HNRNPA2B1: variants seen among roughly 807,000 people sequenced by gnomAD.
The protein encoded by HNRNPA2B1 is heterogeneous nuclear ribonucleoproteins A2/B1.
Under a neutral mutation model 46.3 loss-of-function variants are expected in HNRNPA2B1, and 3 were observed. The observed-to-expected ratio is 0.06, with a 90% CI of 0.03 to 0.17. The LOEUF (loss-of-function observed/expected upper bound fraction) is 0.17, where lower values mean the gene tolerates loss of function less well. HNRNPA2B1 is among the 10% of genes least tolerant of loss of function. The pLI, the probability that HNRNPA2B1 is intolerant of heterozygous loss-of-function variation, is 1.00. For synonymous variants in HNRNPA2B1, 225 were observed against 133.8 expected, an observed-to-expected ratio of 1.68 and a Z score of -4.70; for missense variants, 221 against 418.9, an observed-to-expected ratio of 0.53 and a Z score of 4.12.
rs1279790233 is a variant in HNRNPA2B1 at position 26,190,202 on chromosome 7, T to C, written c.*2158A>G. 3 of 152,658 alleles carry C rather than the reference T, an allele frequency of 2.0e-5. No homozygotes were observed. Among genetic ancestry groups the C allele is most frequent in the South Asian group, 4.1e-4 (2 of 4,830 alleles). The allele number at this position is 152,658 out of a possible 1,614,324, so 9.5% of individuals were successfully genotyped here. A position where few individuals can be genotyped will look rare whatever the true frequency, so the allele number is the denominator to read the frequency against. On this transcript the variant is annotated 3_prime_UTR_variant, in exon 11 of 11. Coordinates refer to ENST00000618183, the MANE Select transcript of HNRNPA2B1 (RefSeq NM_002137.4). ...TAATCTGTCTACTCACAAAACCTAA[T>C]TTAAAACATGATACATTTATCTCTC... is the stretch of plus-strand genomic sequence containing the variant.
rs1232694331 is a variant in HNRNPA2B1, at chr7:26,200,551, CAT to C, written c.6+19_6+20del. ...CCTCGCCATGCCCTTTTCAATAACT[CAT>C]TGATTTCAAACCCGTTACCTCCATC... On this transcript the variant is annotated intron_variant, in intron 1 of 10. Transcript: ENST00000618183. 6.2e-7 allele frequency: 1 copy of C among 1,612,734 alleles called. No homozygotes were observed. The highest frequency in any genetic ancestry group is 1.3e-5 in the African/African-American group (1 of 74,948).
chr7:26,195,787 A>G lies in HNRNPA2B1; in HGVS notation c.721+60T>C, dbSNP rs1018276289. The G allele has an allele frequency of 1.2e-5, 19 of 1,554,116 alleles. No individual in the cohort carries two copies. In the South Asian group the frequency reaches 1.8e-4, roughly 15 times the overall value. On this transcript the variant is annotated intron_variant, in intron 7 of 10. Coordinates refer to ENST00000618183, the MANE Select transcript of HNRNPA2B1 (RefSeq NM_002137.4). The stretch of plus-strand genomic sequence containing the variant: ...AAAACTCAAAATATAAATGAAGTAA[A>G]TATACGATATAGTTAAGTATTAGTC...
intron 9 of HNRNPA2B1, 73 bp from the exon 10 acceptor site, chr7:26,192,650 A>C: frequency 8.5e-7 from 1 of 1,177,804 alleles, no homozygotes; most frequent in Non-Finnish European, 1.3e-6. Flanking sequence ...ACTACAGTTG[A>C]TTCTATTTTA....
intron 7 of HNRNPA2B1, among the ~76,000 whole-genome samples, 161 bp from the exon 8 acceptor site, chr7:26,193,855 T>C (rs1051797158): frequency 2.0e-5 from 3 of 152,212 alleles, no homozygotes; most frequent in Non-Finnish European, 4.4e-5. Flanking sequence ...TTGGTAAACA[T>C]TTGGTGGCTG....
At chr7:26,197,270 C>A (rs374595120) in intron 3 of HNRNPA2B1, 45 bp downstream of exon 3, 4 of 1,550,748 alleles carry the variant, frequency 2.6e-6, no homozygotes, top group Non-Finnish European at 3.5e-6. Context: ...TTCAGCAGGG[C>A]AGCGTTCTTC....
chr7:26,196,322 T>TA (rs1185676718), intron 6 of HNRNPA2B1, 79 bp downstream of exon 6: 2 of 1,181,722 alleles, frequency 1.7e-6, no homozygotes, highest in Non-Finnish European at 2.4e-6. Context: ...TTGGATTTCT[T>TA]GATTCTACTA....
Position 26,190,560 on chromosome 7 carries a change from T to C in HNRNPA2B1, c.*1800A>G, listed in dbSNP as rs1453464614. ...GGTCTTAGGATCAAAGAAGACTCAT[T>C]GGTGTATAGAGTAAGCCCTGAGTAT... On this transcript the variant is annotated 3_prime_UTR_variant, in exon 11 of 11. Transcript: ENST00000618183. The C allele has an allele frequency of 2.0e-5, 3 of 152,242 alleles. No homozygotes were observed. The highest frequency in any genetic ancestry group is 2.0e-4 in the Admixed American group (3 of 15,284). 9.4% of individuals were successfully genotyped at this position (152,242 alleles called of 1,614,324 possible).
chr7:26,200,727 G>C lies in HNRNPA2B1; in HGVS notation c.-150C>G, dbSNP rs776308707. ...CTCTGCGAGGAGCACCTCCGCACGG[G>C]ACCCGGCGCTGCTGCTACTGCCGCT... On this transcript the variant is annotated 5_prime_UTR_variant, in exon 1 of 11. Transcript: ENST00000618183. 2.9e-5 allele frequency: 28 copies of C among 973,062 alleles called. No individual in the cohort carries two copies. The highest frequency in any genetic ancestry group is 1.2e-4 in the East Asian group (5 of 41,526). 60.3% of individuals were successfully genotyped at this position (973,062 alleles called of 1,614,324 possible). A position where few individuals can be genotyped will look rare whatever the true frequency, so the allele number is the denominator to read the frequency against.
rs749677236 is a variant in HNRNPA2B1 at position 26,196,451 on chromosome 7, C to G, written c.608G>C (p.Gly203Ala). The G allele has an allele frequency of 1.2e-6, 2 of 1,614,210 alleles. No individual in the cohort carries two copies. The highest frequency in any genetic ancestry group is 2.2e-5 in the East Asian group (1 of 44,880). Reference protein sequence around the residue: ...GNFGFGDSRGGGGNFGPGPGS... With the variant: ...GNFGFGDSRGAGGNFGPGPGS... ...TGGTCCTGGTCCGAAATTTCCACCG[C>G]CACCACGTGAATCCCCAAAGCCAAA... is the stretch of plus-strand genomic sequence containing the variant. The change falls in exon 6 of 11, where the codon GGC becomes GCC. Residue 203 changes from glycine (G) to alanine (A), a missense_variant. Coordinates refer to ENST00000618183, the MANE Select transcript of HNRNPA2B1 (RefSeq NM_002137.4).
chr7:26,195,153 T>C (rs1279590044), intron 7 of HNRNPA2B1, among the ~76,000 whole-genome samples: 14 of 143,724 alleles, frequency 9.7e-5, no homozygotes, highest in African/African-American at 3.6e-4. Flanking sequence ...GGGCTGAGTC[T>C]CTAACTTGTA....
intron 6 of HNRNPA2B1, 118 bp downstream of exon 6, chr7:26,196,283 A>G (rs1249809718): frequency 1.3e-6 from 1 of 795,960 alleles, no homozygotes; most frequent in Non-Finnish European, 2.0e-6. Context: ...GATACAATCT[A>G]TTTGAAGTCT....
chr7:26,197,581 T>C (rs1234466559), intron 2 of HNRNPA2B1, 41 bp downstream of exon 2: 1 of 1,570,176 alleles, frequency 6.4e-7, no homozygotes, highest in Admixed American at 1.7e-5. Flanking sequence ...AACATACAGC[T>C]AAAAGACTAA....
At chr7:26,198,502 C>T (rs1326814835) in intron 1 of HNRNPA2B1, 1 of 152,180 alleles carries the variant, frequency 6.6e-6, no homozygotes, top group African/African-American at 2.4e-5. Context: ...CTCAGCTTAA[C>T]CATATGTACA....
intron 1 of HNRNPA2B1, 196 bp downstream of exon 1, chr7:26,200,376 G>A (rs1474702480): frequency 4.6e-6 from 3 of 651,312 alleles, no homozygotes; most frequent in Non-Finnish European, 2.8e-6. Flanking sequence ...ATGGCGCCGG[G>A]AGGCTGAGGG....
At chr7:26,198,350 T>C (rs1245969954) in intron 1 of HNRNPA2B1, 1 of 152,606 alleles carries the variant, frequency 6.6e-6, no homozygotes, top group Non-Finnish European at 1.5e-5. Flanking sequence ...TATTTAAAGA[T>C]ATGCATTAGA....
chr7:26,194,007 T>C (rs1368025244), intron 7 of HNRNPA2B1, among the ~76,000 whole-genome samples: 3 of 152,210 alleles, frequency 2.0e-5, no homozygotes, highest in South Asian at 2.1e-4. Flanking sequence ...GCTAGACTAG[T>C]AGTGTGGGCT....
chr7:26,195,877 C>A lies in HNRNPA2B1; in HGVS notation c.691G>T (p.Gly231Cys). 6.2e-7 allele frequency: 1 copy of A among 1,610,528 alleles called. No homozygotes were observed. Among genetic ancestry groups the A allele is most frequent in the Non-Finnish European group, 8.5e-7 (1 of 1,178,958 alleles). Residue 231 changes from glycine to cysteine, a missense_variant, in exon 7 of 11, where the codon GGC becomes TGC. By Grantham distance (159) the Gly-to-Cys change is radical. Around this residue, in one of 2 missense-constraint regions of HNRNPA2B1, gnomAD observed 143 missense variants for 200.5 expected, o/e 0.71. Transcript: ENST00000618183. The part of the protein sequence containing the change: ...GYGSGRGFGD[G>C]YNGYGGGPGG... ...GGTCCTCCTCCATACCCATTATAGC[C>A]ATCCCCAAATCCACGTCCACTGCCA... is the stretch of plus-strand genomic sequence containing the variant.
Position 26,192,539 on chromosome 7 carries a change from A to T in HNRNPA2B1, c.1003T>A (p.Tyr335Asn). 1 of 1,614,008 alleles carries T rather than the reference A, an allele frequency of 6.2e-7. No individual in the cohort carries two copies. The highest frequency in any genetic ancestry group is 2.2e-5 in the East Asian group (1 of 44,874). ...GCTCAGTATCGGCTCCTCCCACCAT[A>T]ACCCCCACTTCCTCCACTGCCTCCT... Reference protein sequence around the residue: ...GPGGSGGSGGYGGRSRY With the variant: ...GPGGSGGSGGNGGRSRY Residue 335 changes from tyrosine to asparagine, a missense_variant, in exon 10 of 11, where the codon TAT (tyrosine) becomes AAT (asparagine). Coordinates refer to ENST00000618183, the MANE Select transcript of HNRNPA2B1 (RefSeq NM_002137.4).
Position 26,191,408 on chromosome 7 carries a change from AAAT to A in HNRNPA2B1, c.*949_*951del, listed in dbSNP as rs1782910063. On this transcript the variant is annotated 3_prime_UTR_variant, in exon 11 of 11. Transcript: ENST00000618183. ...GGAGGAAAATTAAGAAAGGAAAAGT[AAAT>A]AAGATCTTACCTAAAGAAGTTTAAC... 6.6e-6 allele frequency: 1 copy of A among 152,188 alleles called. No homozygotes were observed. Among genetic ancestry groups the A allele is most frequent in the African/African-American group, 2.4e-5 (1 of 41,460 alleles). The allele number at this position is 152,188 out of a possible 1,614,324, so 9.4% of individuals were successfully genotyped here. A position where few individuals can be genotyped will look rare whatever the true frequency, so the allele number is the denominator to read the frequency against.
Sources: allele counts gnomAD v4.1 joint callset (sites outside exome capture counted in the v4.1 genomes callset), GRCh38; gene constraint gnomAD v4.1.1; regional missense constraint gnomAD v4.1.1; transcripts MANE v1.5; gene names NCBI Gene and HGNC (gene_info 2026-07-23, HGNC 2026-07-21).